The following GLG1 variants were observed in gnomAD, a reference collection of about 807,000 sequenced individuals.
GLG1 encodes Golgi apparatus protein 1.
A neutral mutation model predicts 160.5 loss-of-function variants in GLG1; 38 were observed. The ratio of observed to expected loss-of-function variants is 0.24; its 90% CI spans 0.18 to 0.31. GLG1 has a LOEUF of 0.31. Among genes scored for constraint, GLG1 ranks in the 10% least tolerant of loss-of-function variants. The pLI is 1.00. For missense variants in GLG1, 1,373 were observed against 1,505.2 expected, an observed-to-expected ratio of 0.91 and a Z score of 1.45; for synonymous variants, 644 against 543.4, an observed-to-expected ratio of 1.19 and a Z score of -2.57.
At chr16:74,567,392 T>C (rs914119095) in intron 1 of GLG1, among the ~76,000 whole-genome samples, 5 of 152,198 alleles carry the variant, frequency 3.3e-5, no homozygotes, top group South Asian at 2.1e-4. Context: ...AAATGAGAAA[T>C]TGACAGGTAT....
At chr16:74,524,485 G>C (rs1012343513) in intron 2 of GLG1, among the ~76,000 whole-genome samples, 1 of 151,350 alleles carries the variant, frequency 6.6e-6, no homozygotes, top group Non-Finnish European at 1.5e-5. Context: ...TTTGATATTT[G>C]ATGATGTTAA....
chr16:74,451,259 G>A lies in GLG1; in HGVS notation c.*1908C>T, dbSNP rs2014289063. The stretch of plus-strand genomic sequence containing the variant: ...TTAGGAGACTGAAGCATCCCAGACA[G>A]CTGTTGACAATCAGGAAGACCCTAC... On this transcript the variant is annotated 3_prime_UTR_variant, in exon 26 of 26. Transcript: ENST00000422840. 1 of 152,234 alleles carries A rather than the reference G, an allele frequency of 6.6e-6. No individual in the cohort carries two copies. Among genetic ancestry groups the A allele is most frequent in the South Asian group, 2.1e-4 (1 of 4,820 alleles). 9.4% of individuals were successfully genotyped at this position (152,234 alleles called of 1,614,324 possible).
At chr16:74,557,367 T>C (rs1397310464) in intron 1 of GLG1, among the ~76,000 whole-genome samples, 1 of 152,170 alleles carries the variant, frequency 6.6e-6, no homozygotes, top group Non-Finnish European at 1.5e-5. Context: ...GGTCTTTAGA[T>C]AGCAAAATAG....
At chr16:74,548,192 C>T (rs1248553907) in intron 1 of GLG1, among the ~76,000 whole-genome samples, 2 of 152,222 alleles carry the variant, frequency 1.3e-5, no homozygotes, top group Non-Finnish European at 2.9e-5. Context: ...AAAATATCTG[C>T]CATAGGACAC....
chr16:74,455,025 G>C (rs2014478951), intron 25 of GLG1, among the ~76,000 whole-genome samples: 2 of 152,092 alleles, frequency 1.3e-5, no homozygotes, highest in Non-Finnish European at 2.9e-5. Context: ...CCAGGAGTTC[G>C]AGGCTGCAGT....
chr16:74,482,449 G>A (rs561147688), intron 10 of GLG1, among the ~76,000 whole-genome samples: 1 of 152,124 alleles, frequency 6.6e-6, no homozygotes, highest in South Asian at 2.1e-4. Context: ...GGAAAGAGGA[G>A]GGGAATGACA....
Position 74,540,071 on chromosome 16 carries a change from T to TA in GLG1, c.439-7919_439-7918insT, listed in dbSNP as rs1555514326. Among the ~76,000 whole-genome samples, 4 of 650 alleles carry TA rather than the reference T, an allele frequency of 6.2e-3. 1 individual carries two copies. The highest frequency in any genetic ancestry group is 7.7e-3 in the African/African-American group (3 of 390). 0.4% of individuals were successfully genotyped at this position (650 alleles called of 152,430 possible). A position where few individuals can be genotyped will look rare whatever the true frequency, so the allele number is the denominator to read the frequency against. On this transcript the variant is annotated intron_variant, in intron 1 of 25. Coordinates refer to ENST00000422840, the MANE Select transcript of GLG1 (RefSeq NM_001145667.2). ...ATTATATATATTTTATATATATATA[T>TA]TATATATATTTTATATATATATTAT...
intron 22 of GLG1, among the ~76,000 whole-genome samples, chr16:74,460,936 G>A (rs114981860): frequency 0.015 from 2,301 of 152,304 alleles, 51 homozygotes; most frequent in African/African-American, 0.052. Context: ...GCACACGCGC[G>A]TACCCGCACA....
In GLG1 at chr16:74,484,817, T is replaced by C. The variant is rs557051207; in HGVS notation, c.1571+979A>G. 1.6e-4 allele frequency among the ~76,000 whole-genome samples: 24 copies of C among 152,186 alleles called. 1 individual carries two copies. The South Asian group carries it at 4.8e-3, about 30-fold the overall frequency. On this transcript the variant is annotated intron_variant, in intron 9 of 25. Transcript: ENST00000422840. ...TTTTAGTAGAGACGGGGTTTCTCCA[T>C]GTTGGTTAGAGGCTCATCTCGAACT... is the stretch of plus-strand genomic sequence containing the variant.
In GLG1 at chr16:74,477,797, A is replaced by G. The variant is rs567735588; in HGVS notation, c.1828-264T>C. The stretch of plus-strand genomic sequence containing the variant: ...GAGACCAGCCTGACCTACATGGAGA[A>G]ACCCTGTCTCTACTAAACACACAAA... On this transcript the variant is annotated intron_variant, in intron 11 of 25. Transcript: ENST00000422840. Among the ~76,000 whole-genome samples, 3 of 152,028 alleles carry G rather than the reference A, an allele frequency of 2.0e-5. No homozygotes were observed. In the East Asian group the frequency reaches 5.8e-4, roughly 29 times the overall value.
rs921299392 is a variant in GLG1, at chr16:74,542,168, T to G, written c.439-10015A>C. Among the ~76,000 whole-genome samples, 6 of 148,920 alleles carry G rather than the reference T, an allele frequency of 4.0e-5. No individual in the cohort carries two copies. In the Admixed American group the frequency reaches 4.1e-4, roughly 10 times the overall value. Reference sequence around the variant, plus strand: ...GAACCATCTGATGATCTGGTTTGAATAGTATAGCTAACTTTTACATGGGAG... The same window carrying G: ...GAACCATCTGATGATCTGGTTTGAAGAGTATAGCTAACTTTTACATGGGAG... On this transcript the variant is annotated intron_variant, in intron 1 of 25. Coordinates refer to ENST00000422840, the MANE Select transcript of GLG1 (RefSeq NM_001145667.2).
chr16:74,540,554 G>C (rs918811775), intron 1 of GLG1, among the ~76,000 whole-genome samples: 1 of 151,336 alleles, frequency 6.6e-6, no homozygotes, highest in Non-Finnish European at 1.5e-5. Context: ...GAAACGTAAG[G>C]ATTGTCTTGC....
chr16:74,497,291 AAAAC>A (rs2143415881), intron 4 of GLG1, among the ~76,000 whole-genome samples: 1 of 21,510 alleles, frequency 4.6e-5, no homozygotes, highest in African/African-American at 1.3e-4. Flanking sequence ...CTCTGTAAAA[AAAAC>A]ACACACACAC....
At chr16:74,549,002 AT>A (rs1239730322) in intron 1 of GLG1, among the ~76,000 whole-genome samples, 2 of 152,146 alleles carry the variant, frequency 1.3e-5, no homozygotes, top group Non-Finnish European at 2.9e-5. Context: ...CAAAAAAAAA[AT>A]AATAGTAATA....
chr16:74,459,632 GA>G (rs369180794), intron 23 of GLG1, 49 bp downstream of exon 23: 79,564 of 689,414 alleles, frequency 0.12, 9 homozygotes, highest in South Asian at 0.13. Flanking sequence ...AGGAAGAAGA[GA>G]AAAAAAAAAA....
intron 19 of GLG1, among the ~76,000 whole-genome samples, chr16:74,465,330 T>C (rs932493567): frequency 6.6e-6 from 1 of 152,232 alleles, no homozygotes; most frequent in African/African-American, 2.4e-5. Flanking sequence ...ACAGCTACTA[T>C]TAATCGTCCT....
chr16:74,587,500 C>G (rs1374899345), intron 1 of GLG1, among the ~76,000 whole-genome samples: 1 of 152,090 alleles, frequency 6.6e-6, no homozygotes, highest in Non-Finnish European at 1.5e-5. Flanking sequence ...AGGAATATGA[C>G]TAATAACAAA....
chr16:74,524,639 G>A (rs2017280983), intron 2 of GLG1, among the ~76,000 whole-genome samples: 1 of 151,924 alleles, frequency 6.6e-6, no homozygotes, highest in East Asian at 1.9e-4. Flanking sequence ...TACAAAGGGA[G>A]GGGAAGTACA....
chr16:74,478,473 A>G (rs2015472602), intron 11 of GLG1, among the ~76,000 whole-genome samples: 1 of 152,208 alleles, frequency 6.6e-6, no homozygotes, highest in Non-Finnish European at 1.5e-5. Flanking sequence ...AAAAAAAGCC[A>G]GCATACCTGG....
Sources: gnomAD v4.1 joint callset for allele counts (sites outside exome capture counted in the v4.1 genomes callset) on GRCh38, gnomAD v4.1.1 for gene constraint, MANE v1.5 for transcripts, NCBI Gene and HGNC (gene_info 2026-07-23, HGNC 2026-07-21) for gene names.